Variants in DCLK1 observed in about 807,000 individuals in gnomAD.
The protein encoded by DCLK1 is serine/threonine-protein kinase DCLK1.
DCLK1 carries 16 observed loss-of-function variants against 86.2 expected under a neutral mutation model. The ratio of observed to expected loss-of-function variants is 0.19; its 90% CI spans 0.13 to 0.28. The LOEUF is 0.28. Among genes scored for constraint, DCLK1 ranks in the 10% least tolerant of loss-of-function variants. The probability of loss-of-function intolerance (pLI) is 1.00; values close to 1 mark genes in which losing one functional copy is unlikely to be tolerated. For synonymous variants in DCLK1, 369 were observed against 370.5 expected (o/e 1.00, Z 0.05); for missense variants, 590 against 940.2 (o/e 0.63, Z 4.87).
chr13:35,827,833 T>G, intron 9 of DCLK1, 79 bp from the exon 10 acceptor site: 1 of 1,546,362 alleles, frequency 6.5e-7, no homozygotes, highest in Non-Finnish European at 8.8e-7. Flanking sequence ...AACTATACTA[T>G]GTAAGGGTCA....
chr13:35,817,570 C>T (rs1274846193), intron 11 of DCLK1, among the ~76,000 whole-genome samples: 3 of 152,078 alleles, frequency 2.0e-5, no homozygotes, highest in African/African-American at 7.2e-5. Context: ...CTGTCATATA[C>T]AGTACAAGAA....
chr13:36,051,233 A>G (rs1470331299), intron 3 of DCLK1, among the ~76,000 whole-genome samples: 1 of 152,120 alleles, frequency 6.6e-6, no homozygotes, highest in Non-Finnish European at 1.5e-5. Context: ...TGTTTGCATA[A>G]TCTTTAAGGA....
chr13:36,043,557 A>G (rs973316699), intron 3 of DCLK1, among the ~76,000 whole-genome samples: 3 of 152,158 alleles, frequency 2.0e-5, no homozygotes, highest in Non-Finnish European at 4.4e-5. Flanking sequence ...TGCCCAGTAC[A>G]CTAATGATAA....
intron 16 of DCLK1, among the ~76,000 whole-genome samples, chr13:35,782,398 T>G (rs2086543708): frequency 6.6e-6 from 1 of 152,180 alleles, no homozygotes; most frequent in African/African-American, 2.4e-5. Flanking sequence ...TTCTCCATCA[T>G]ATCAGTAAAC....
At chr13:35,914,626 T>C in intron 4 of DCLK1, among the ~76,000 whole-genome samples, 1 of 143,062 alleles carries the variant, frequency 7.0e-6, no homozygotes, top group East Asian at 2.2e-4. Flanking sequence ...TGAGACACAA[T>C]GATCCCTTGA....
intron 2 of DCLK1, among the ~76,000 whole-genome samples, chr13:36,121,210 A>G (rs9575331): frequency 0.59 from 90,024 of 152,058 alleles, 27,250 homozygotes; most frequent in East Asian, 0.86. Context: ...TGGATGTACC[A>G]GTATGGAAAG....
At chr13:36,053,832 T>A (rs559988828) in intron 3 of DCLK1, among the ~76,000 whole-genome samples, 1 of 151,928 alleles carries the variant, frequency 6.6e-6, no homozygotes, top group African/African-American at 2.4e-5. Flanking sequence ...AGATAGGTCT[T>A]GAAGATGAGA....
rs1040037943 is a variant in DCLK1 at position 35,773,895 on chromosome 13, C to T, written c.*640G>A. ...CCTGGGTCAAGCTCTTTGCCACAAA[C>T]CCAATTCCCTCCACTTGGGATGCAG... On this transcript the variant is annotated 3_prime_UTR_variant, in exon 17 of 17. Transcript: ENST00000360631. 1 of 152,386 alleles carries T rather than the reference C, an allele frequency of 6.6e-6. No individual in the cohort carries two copies. Among genetic ancestry groups the T allele is most frequent in the Non-Finnish European group, 1.5e-5 (1 of 68,070 alleles). The allele number at this position is 152,386 out of a possible 1,614,324, so 9.4% of individuals were successfully genotyped here.
At chr13:35,795,353 G>T (rs1012217705) in intron 15 of DCLK1, among the ~76,000 whole-genome samples, 1 of 152,148 alleles carries the variant, frequency 6.6e-6, no homozygotes, top group African/African-American at 2.4e-5. Context: ...AAAAACAGAA[G>T]ACTGGCCATA....
rs1555359542 is a variant in DCLK1 at position 36,056,906 on chromosome 13, A to AAT, written c.723+54961_723+54962dup. ...GCAAGACTGTGACAAAAAAAAAAAA[A>AAT]ATATATATATATATATATATACACA... is the stretch of plus-strand genomic sequence containing the variant. On this transcript the variant is annotated intron_variant, in intron 3 of 16. Coordinates refer to ENST00000360631, the MANE Select transcript of DCLK1 (RefSeq NM_001330071.2). Among the ~76,000 whole-genome samples the AAT allele has an allele frequency of 2.1e-3, 269 of 130,142 alleles. 3 individuals carry two copies. Among genetic ancestry groups the AAT allele is most frequent in the Middle Eastern group, 0.013 (3 of 230 alleles). The allele number at this position is 130,142 out of a possible 152,430, so 85.4% of individuals were successfully genotyped here.
chr13:36,102,996 A>G (rs1167850008), intron 3 of DCLK1, among the ~76,000 whole-genome samples: 1 of 152,216 alleles, frequency 6.6e-6, no homozygotes, highest in African/African-American at 2.4e-5. Flanking sequence ...CGTTTCCCAC[A>G]TAAATGTGCA....
At chr13:36,034,100 G>C (rs1164886318) in intron 3 of DCLK1, among the ~76,000 whole-genome samples, 2 of 152,084 alleles carry the variant, frequency 1.3e-5, no homozygotes, top group African/African-American at 4.8e-5. Context: ...AGCGAACTGG[G>C]TACTTAGTTC....
chr13:36,028,814 G>T (rs953154658), intron 3 of DCLK1, among the ~76,000 whole-genome samples: 3 of 152,166 alleles, frequency 2.0e-5, no homozygotes, highest in Non-Finnish European at 2.9e-5. Context: ...CTCATTATAT[G>T]CTAATTATAA....
chr13:36,001,727 A>G (rs9546072), intron 3 of DCLK1, among the ~76,000 whole-genome samples: 17,398 of 152,228 alleles, frequency 0.11, 1,145 homozygotes, highest in East Asian at 0.26. Flanking sequence ...ACCCTGGAGA[A>G]TCTCTAAACA....
chr13:36,037,110 G>A (rs1026415841), intron 3 of DCLK1, among the ~76,000 whole-genome samples: 1 of 152,014 alleles, frequency 6.6e-6, no homozygotes, highest in African/African-American at 2.4e-5. Context: ...TGGAACTGGA[G>A]GCCATTATGA....
intron 3 of DCLK1, among the ~76,000 whole-genome samples, chr13:36,008,227 A>ATTAT (rs1487671087): frequency 3.5e-5 from 3 of 85,194 alleles, no homozygotes; most frequent in South Asian, 4.2e-4. Context: ...TATTATTATT[A>ATTAT]TTTTTTTAAT....
At position 35,914,394 on chromosome 13, in the gene DCLK1, C is replaced by T. The variant is rs528449552; in HGVS notation, c.823+32964G>A. Among the ~76,000 whole-genome samples, 256 of 123,288 alleles carry T rather than the reference C, an allele frequency of 2.1e-3. 2 individuals are homozygous for T. The highest frequency in any genetic ancestry group is 3.8e-3 in the Non-Finnish European group (230 of 60,942). 80.9% of individuals were successfully genotyped at this position (123,288 alleles called of 152,430 possible). ...GTATATATATATATATATATATAAG[C>T]AAAATTATTGCTAATTGAAAAGAGA... On this transcript the variant is annotated intron_variant, in intron 4 of 16. Coordinates refer to ENST00000360631, the MANE Select transcript of DCLK1 (RefSeq NM_001330071.2).
At chr13:35,987,046 T>C (rs1255447847) in intron 3 of DCLK1, among the ~76,000 whole-genome samples, 1 of 152,170 alleles carries the variant, frequency 6.6e-6, no homozygotes, top group Non-Finnish European at 1.5e-5. Context: ...GAAAAGTATT[T>C]AAATTACCTC....
chr13:35,880,306 G>T (rs1284986009), intron 4 of DCLK1, among the ~76,000 whole-genome samples: 1 of 152,186 alleles, frequency 6.6e-6, no homozygotes, highest in Non-Finnish European at 1.5e-5. Flanking sequence ...TGGGGCAGAG[G>T]TTAGAGAAAG....
Sources: allele counts gnomAD v4.1 joint callset (sites outside exome capture counted in the v4.1 genomes callset), GRCh38; gene constraint gnomAD v4.1.1; transcripts MANE v1.5; gene names NCBI Gene and HGNC (gene_info 2026-07-23, HGNC 2026-07-21).